PTPRZ1: variants seen among roughly 807,000 people sequenced by gnomAD.
The protein encoded by PTPRZ1 is receptor-type tyrosine-protein phosphatase zeta.
In PTPRZ1, 82 loss-of-function variants were observed where a neutral mutation model predicts 214.1. The ratio of observed to expected loss-of-function variants is 0.38; its 90% CI spans 0.32 to 0.46. PTPRZ1 has a LOEUF of 0.46. PTPRZ1 is among the 20% of genes least tolerant of loss of function. PTPRZ1 has a pLI of 1.00. For missense variants in PTPRZ1, 2,603 were observed against 2,748.7 expected, an observed-to-expected ratio of 0.95 and a Z score of 1.19; for synonymous variants, 945 against 987.9, an observed-to-expected ratio of 0.96 and a Z score of 0.81.
intron 27 of PTPRZ1, among the ~76,000 whole-genome samples, chr7:122,057,606 C>T (rs1294022476): frequency 6.7e-6 from 1 of 148,494 alleles, no homozygotes; most frequent in Non-Finnish European, 1.5e-5. Flanking sequence ...AATACTTTCT[C>T]CCAGTTTGGG....
intron 1 of PTPRZ1, among the ~76,000 whole-genome samples, chr7:121,920,451 C>T (rs1277512958): frequency 2.0e-5 from 3 of 152,016 alleles, no homozygotes; most frequent in African/African-American, 7.2e-5. Flanking sequence ...CTTCTCACTT[C>T]TAATATTATT....
At chr7:122,037,288 A>T (rs1268956587) in intron 18 of PTPRZ1, among the ~76,000 whole-genome samples, 1 of 152,064 alleles carries the variant, frequency 6.6e-6, no homozygotes, top group Non-Finnish European at 1.5e-5. Flanking sequence ...AAAAAAAAAA[A>T]TGTGAAGGGC....
intron 13 of PTPRZ1, among the ~76,000 whole-genome samples, chr7:122,023,305 C>G (rs1799076003): frequency 6.6e-6 from 1 of 150,904 alleles, no homozygotes; most frequent in Admixed American, 6.7e-5. Flanking sequence ...GATCTCTTTC[C>G]TAGTTCTGCC....
Position 122,010,323 on chromosome 7 carries a change from G to A in PTPRZ1, c.1288-11G>A, listed in dbSNP as rs746040744. 8 of 1,583,634 alleles carry A rather than the reference G, an allele frequency of 5.1e-6. No homozygotes were observed. Among genetic ancestry groups the A allele is most frequent in the African/African-American group, 1.4e-5 (1 of 72,984 alleles). On this transcript the variant is annotated splice_polypyrimidine_tract_variant and intron_variant, in intron 11 of 29. Transcript: ENST00000393386. ...CCTTATGACTCATTAAATCTTGTTT[G>A]CTTTTCAAAGGAGGAGGAAGAGGGA...
chr7:121,928,307 C>A, intron 2 of PTPRZ1, 86 bp downstream of exon 2: 2 of 886,800 alleles, frequency 2.3e-6, no homozygotes, highest in Non-Finnish European at 3.5e-6. Context: ...AGCTTTGTAG[C>A]ACAACACATC....
chr7:121,914,429 T>G (rs1024601190), intron 1 of PTPRZ1, among the ~76,000 whole-genome samples: 28 of 152,180 alleles, frequency 1.8e-4, no homozygotes, highest in African/African-American at 6.8e-4. Flanking sequence ...TCCTCTGCTC[T>G]TTCTTTTTGT....
intron 13 of PTPRZ1, among the ~76,000 whole-genome samples, chr7:122,023,474 T>C (rs1799086404): frequency 7.1e-6 from 1 of 140,450 alleles, no homozygotes; most frequent in South Asian, 2.1e-4. Context: ...GATTTATATA[T>C]ATATATAATT....
At chr7:121,952,336 T>A (rs1796576778) in intron 2 of PTPRZ1, among the ~76,000 whole-genome samples, 1 of 152,064 alleles carries the variant, frequency 6.6e-6, no homozygotes, top group African/African-American at 2.4e-5. Flanking sequence ...GTAATTCCAG[T>A]GCTTTGGGAG....
At chr7:121,992,009 G>A (rs891910827) in intron 8 of PTPRZ1, among the ~76,000 whole-genome samples, 2 of 152,144 alleles carry the variant, frequency 1.3e-5, no homozygotes, top group African/African-American at 4.8e-5. Flanking sequence ...AGGAAGTGGT[G>A]GACTTATTAG....
At chr7:121,881,886 T>C (rs1329120513) in intron 1 of PTPRZ1, among the ~76,000 whole-genome samples, 1 of 152,218 alleles carries the variant, frequency 6.6e-6, no homozygotes, top group Non-Finnish European at 1.5e-5. Flanking sequence ...CAATGATACA[T>C]ATTCTTGTTC....
At chr7:122,048,992 T>C (rs1006479958) in intron 23 of PTPRZ1, among the ~76,000 whole-genome samples, 2 of 152,218 alleles carry the variant, frequency 1.3e-5, no homozygotes, top group South Asian at 4.1e-4. Context: ...AGTGTATTTC[T>C]TTAATATCAT....
At chr7:122,040,488 C>A (rs892177123) in intron 20 of PTPRZ1, among the ~76,000 whole-genome samples, 8 of 152,092 alleles carry the variant, frequency 5.3e-5, no homozygotes, top group Non-Finnish European at 1.2e-4. Flanking sequence ...TGGAGCTCAC[C>A]CACATTATGG....
chr7:121,924,057 G>A (rs1408675458), intron 1 of PTPRZ1, among the ~76,000 whole-genome samples: 1 of 151,990 alleles, frequency 6.6e-6, no homozygotes, highest in Non-Finnish European at 1.5e-5. Context: ...TTGCTAATAT[G>A]TATTTTCTTG....
chr7:122,046,016 C>T (rs1473183856), intron 23 of PTPRZ1, among the ~76,000 whole-genome samples: 1 of 152,108 alleles, frequency 6.6e-6, no homozygotes, highest in Non-Finnish European at 1.5e-5. Context: ...ACTTATCAGA[C>T]ACCTGCCAGA....
intron 2 of PTPRZ1, among the ~76,000 whole-genome samples, chr7:121,942,313 T>C (rs1188787812): frequency 6.6e-6 from 1 of 152,192 alleles, no homozygotes; most frequent in Non-Finnish European, 1.5e-5. Flanking sequence ...GAGTCTCTAT[T>C]GACATGAAAG....
At chr7:121,948,452 T>C (rs528154746) in intron 2 of PTPRZ1, among the ~76,000 whole-genome samples, 2 of 152,240 alleles carry the variant, frequency 1.3e-5, no homozygotes, top group East Asian at 3.9e-4. Context: ...CCCATGTCTA[T>C]TTTAGAAATA....
intron 23 of PTPRZ1, among the ~76,000 whole-genome samples, chr7:122,044,813 G>C (rs1380290274): frequency 6.6e-6 from 1 of 152,010 alleles, no homozygotes; most frequent in Non-Finnish European, 1.5e-5. Flanking sequence ...ATGCAAACTT[G>C]GTCGAGAAAA....
intron 1 of PTPRZ1, among the ~76,000 whole-genome samples, chr7:121,910,267 G>T (rs1795231950): frequency 6.6e-6 from 1 of 152,198 alleles, no homozygotes; most frequent in Non-Finnish European, 1.5e-5. Flanking sequence ...GGTTCCCCTT[G>T]ACCACTCAGT....
chr7:121,889,050 G>A (rs942443452), intron 1 of PTPRZ1, among the ~76,000 whole-genome samples: 1 of 151,934 alleles, frequency 6.6e-6, no homozygotes, highest in Non-Finnish European at 1.5e-5. Context: ...AGCACAGAAA[G>A]GAATTATATA....
Sources: allele counts gnomAD v4.1 joint callset (sites outside exome capture counted in the v4.1 genomes callset), GRCh38; gene constraint gnomAD v4.1.1; transcripts MANE v1.5; gene names NCBI Gene and HGNC (gene_info 2026-07-23, HGNC 2026-07-21).